Variants in ZNF320 observed in about 807,000 individuals in gnomAD.
The protein encoded by ZNF320 is zinc finger gene 320.
Under a neutral mutation model 6.8 loss-of-function variants are expected in ZNF320, and 2 were observed. The observed-to-expected ratio is 0.29, with a 90% confidence interval of 0.12 to 0.93. The LOEUF is 0.93. Among genes scored for constraint, ZNF320 ranks in the 40% least tolerant of loss-of-function variants. The pLI is 0.55. For missense variants in ZNF320, 472 were observed against 611.0 expected (o/e 0.77, Z 2.40); for synonymous variants, 208 against 203.2 (o/e 1.02, Z -0.20).
chr19:52,885,830 G>C (rs751837725), intron 5 of ZNF320, among the ~76,000 whole-genome samples: 3 of 151,946 alleles, frequency 2.0e-5, no homozygotes, highest in African/African-American at 7.3e-5. Flanking sequence ...TGGTTGAACC[G>C]GGGAGGTGGA....
At chr19:52,884,577 C>A (rs969166335) in intron 5 of ZNF320, among the ~76,000 whole-genome samples, 2 of 152,142 alleles carry the variant, frequency 1.3e-5, no homozygotes, top group Admixed American at 1.3e-4. Flanking sequence ...CTCAGCCTCC[C>A]AAAGTGCTGG....
the ZNF320 span, among the ~76,000 whole-genome samples, chr19:52,904,058 C>T: frequency 1.3e-5 from 2 of 152,006 alleles, no homozygotes; most frequent in Admixed American, 6.5e-5. Flanking sequence ...GGTGATCAGG[C>T]CACGCTTCCA....
chr19:52,893,434 G>C (rs900148726), intron 2 of ZNF320: 1 of 152,074 alleles, frequency 6.6e-6, no homozygotes, highest in Admixed American at 6.6e-5. Context: ...TGGATCATGA[G>C]ATCAAGAGGT....
chr19:52,902,802 T>G, the ZNF320 span, among the ~76,000 whole-genome samples: 1 of 152,178 alleles, frequency 6.6e-6, no homozygotes, highest in Admixed American at 6.5e-5. Context: ...TCTTTTTAAC[T>G]TTTTGTAATT....
chr19:52,865,181 G>T (rs2063520882), intron 5 of ZNF320, among the ~76,000 whole-genome samples: 2 of 151,746 alleles, frequency 1.3e-5, no homozygotes, highest in South Asian at 4.2e-4. Context: ...AATGAGCTGG[G>T]TGTGGTCGTG....
At chr19:52,900,616 A>C (rs558954530), upstream of ZNF320, among the ~76,000 whole-genome samples, 2 of 152,168 alleles carry the variant, frequency 1.3e-5, no homozygotes, top group Non-Finnish European at 1.5e-5. Context: ...AGAAAGCCTG[A>C]AATACTGGTT....
chr19:52,871,758 T>A (rs922778752), downstream of ZNF320, among the ~76,000 whole-genome samples: 11 of 152,196 alleles, frequency 7.2e-5, no homozygotes, highest in Non-Finnish European at 1.5e-4. Flanking sequence ...GCTGTAGCAA[T>A]GAGATCTGAG....
chr19:52,862,402 G>T, exon 6 of ZNF320: 2 of 456,802 alleles, frequency 4.4e-6, no homozygotes, highest in South Asian at 3.3e-5. Context: ...TGTGATTTAC[G>T]ACTGAAAACT....
In ZNF320 at chr19:52,879,734, T is replaced by C. The variant is rs2063857897; in HGVS notation, c.*862A>G. On this transcript the variant is annotated 3_prime_UTR_variant, in exon 6 of 6. Coordinates refer to ENST00000682928, the MANE Select transcript of ZNF320 (RefSeq NM_001351774.2). ...AATGCAACTGGAACTAAAAAACATA[T>C]GCAGTGGATTTGAAGAATAGAATAA... The C allele has an allele frequency of 6.6e-6, 1 of 152,148 alleles. No individual in the cohort carries two copies. The highest frequency in any genetic ancestry group is 2.1e-4 in the South Asian group (1 of 4,832). 9.4% of individuals were successfully genotyped at this position (152,148 alleles called of 1,614,324 possible). A position where few individuals can be genotyped will look rare whatever the true frequency, so the allele number is the denominator to read the frequency against.
rs1285992884 is a variant in ZNF320, at chr19:52,892,488, T to C, written c.-191-1142A>G. Among the ~76,000 whole-genome samples, 11 of 148,760 alleles carry C rather than the reference T, an allele frequency of 7.4e-5. No homozygotes were observed. The South Asian group carries it at 1.1e-3, about 15-fold the overall frequency. On this transcript the variant is annotated intron_variant, in intron 2 of 5. Coordinates refer to ENST00000682928, the MANE Select transcript of ZNF320 (RefSeq NM_001351774.2). ...ATGGGTGGCCAGATACAGTGGCTCATGCCTGTAATCCCAGCACTTTGGGAG... is the reference window on the plus strand; with the variant it reads ...ATGGGTGGCCAGATACAGTGGCTCACGCCTGTAATCCCAGCACTTTGGGAG...
At position 52,881,497 on chromosome 19, in the gene ZNF320, A is replaced by G; in HGVS notation, c.629T>C (p.Ile210Thr). 6.2e-7 allele frequency: 1 copy of G among 1,614,088 alleles called. No individual in the cohort carries two copies. Among genetic ancestry groups the G allele is most frequent in the Non-Finnish European group, 8.5e-7 (1 of 1,180,022 alleles). Reference sequence around the variant, plus strand: ...TGTGTAATGTTTGTCTCCCCTGTGAATTCTAGTATGTTTTGCCAGGTGTGA... The same window carrying G: ...TGTGTAATGTTTGTCTCCCCTGTGAGTTCTAGTATGTTTTGCCAGGTGTGA... ...HDSHLAKHTR[I>T]HRGDKHYTCN... is the part of the protein sequence containing the mutation. The change falls in exon 6 of 6, where the codon ATT becomes ACT. Residue 210 changes from isoleucine to threonine, a missense_variant. Transcript: ENST00000682928.
intron 5 of ZNF320, among the ~76,000 whole-genome samples, chr19:52,866,751 A>G (rs2063579552): frequency 1.3e-5 from 2 of 151,886 alleles, no homozygotes; most frequent in Admixed American, 1.3e-4. Context: ...CATACCTGTA[A>G]TGCAGCTACT....
chr19:52,873,724 A>G (rs1026845539), downstream of ZNF320, among the ~76,000 whole-genome samples: 1 of 152,142 alleles, frequency 6.6e-6, no homozygotes, highest in African/African-American at 2.4e-5. Context: ...CATCACTGAC[A>G]CCATGGGGCC....
chr19:52,887,781 T>C (rs932220891), intron 5 of ZNF320, among the ~76,000 whole-genome samples: 4 of 152,036 alleles, frequency 2.6e-5, no homozygotes, highest in Non-Finnish European at 5.9e-5. Flanking sequence ...GAGACAGGGT[T>C]TCACCATGTT....
At chr19:52,868,421 G>A (rs2063617535) in intron 5 of ZNF320, among the ~76,000 whole-genome samples, 1 of 151,556 alleles carries the variant, frequency 6.6e-6, no homozygotes. Flanking sequence ...CAGGAGAATC[G>A]CTCGAACCCC....
rs1173457045 is a variant in ZNF320 at position 52,877,271 on chromosome 19, T to C, written c.*3325A>G. The stretch of plus-strand genomic sequence containing the variant: ...TACAGACACACGAGACAGCAATCAG[T>C]ACATATATACATTGGTCCGGTCTGG... On this transcript the variant is annotated 3_prime_UTR_variant, in exon 6 of 6. Transcript: ENST00000682928. 6.6e-6 allele frequency: 1 copy of C among 152,202 alleles called. No homozygotes were observed. Among genetic ancestry groups the C allele is most frequent in the African/African-American group, 2.4e-5 (1 of 41,450 alleles). The allele number at this position is 152,202 out of a possible 1,614,324, so 9.4% of individuals were successfully genotyped here.
intron 5 of ZNF320, among the ~76,000 whole-genome samples, chr19:52,866,815 T>C (rs1322880844): frequency 2.8e-5 from 4 of 144,546 alleles, no homozygotes; most frequent in African/African-American, 1.0e-4. Flanking sequence ...GGTTGCAATG[T>C]GCTAGTAAGT....
upstream of ZNF320, among the ~76,000 whole-genome samples, chr19:52,901,895 G>C (rs1436970255): frequency 6.9e-6 from 1 of 145,112 alleles, no homozygotes; most frequent in East Asian, 2.0e-4. Flanking sequence ...TTACAGTCTG[G>C]GTTAAAACTT....
chr19:52,875,329 A>C (rs59437152), downstream of ZNF320, among the ~76,000 whole-genome samples: 1 of 152,172 alleles, frequency 6.6e-6, no homozygotes, highest in Non-Finnish European at 1.5e-5. Flanking sequence ...ACAACTGCAC[A>C]CAGGATTGTA....
Sources: allele counts gnomAD v4.1 joint callset (sites outside exome capture counted in the v4.1 genomes callset), GRCh38; gene constraint gnomAD v4.1.1; transcripts MANE v1.5; gene names NCBI Gene and HGNC (gene_info 2026-07-23, HGNC 2026-07-21).